Variants in CNTNAP2 observed in about 807,000 individuals in gnomAD.
The protein encoded by CNTNAP2 is contactin-associated protein-like 2.
A neutral mutation model predicts 155.2 loss-of-function variants in CNTNAP2; 98 were observed. The ratio of observed to expected loss-of-function variants is 0.63; its 90% CI spans 0.54 to 0.75. The LOEUF is 0.75. CNTNAP2 is among the 30% of genes least tolerant of loss of function. The probability of loss-of-function intolerance (pLI) is 0.00; values close to 1 mark genes in which losing one functional copy is unlikely to be tolerated. For missense variants in CNTNAP2, 1,727 were observed against 1,688.1 expected, an observed-to-expected ratio of 1.02 and a Z score of -0.40; for synonymous variants, 651 against 631.2, an observed-to-expected ratio of 1.03 and a Z score of -0.47.
chr7:147,812,958 C>T (rs1798205241), intron 13 of CNTNAP2, among the ~76,000 whole-genome samples: 1 of 151,942 alleles, frequency 6.6e-6, no homozygotes, highest in Non-Finnish European at 1.5e-5. Context: ...TTAAAGACAT[C>T]AGAATATAAG....
chr7:146,637,571 C>T (rs1799620106), intron 1 of CNTNAP2, among the ~76,000 whole-genome samples: 1 of 152,166 alleles, frequency 6.6e-6, no homozygotes, highest in African/African-American at 2.4e-5. Flanking sequence ...ATCACTCTTG[C>T]TCGATATTGA....
At chr7:147,521,229 C>T (rs1475122287) in intron 11 of CNTNAP2, among the ~76,000 whole-genome samples, 2 of 152,132 alleles carry the variant, frequency 1.3e-5, no homozygotes, top group African/African-American at 2.4e-5. Context: ...TTGCCTGCTT[C>T]GGTGTAGTTG....
chr7:147,616,579 C>T (rs1801297801), intron 12 of CNTNAP2, among the ~76,000 whole-genome samples: 1 of 152,164 alleles, frequency 6.6e-6, no homozygotes, highest in African/African-American at 2.4e-5. Flanking sequence ...TTACTCTTCC[C>T]ATTGATCTTC....
intron 18 of CNTNAP2, among the ~76,000 whole-genome samples, chr7:148,204,042 C>T (rs1281585149): frequency 2.0e-5 from 3 of 152,224 alleles, no homozygotes; most frequent in African/African-American, 4.8e-5. Flanking sequence ...TAACCAAGCT[C>T]TTGAGTTGCT....
chr7:147,912,859 A>G (rs533200931), intron 14 of CNTNAP2, among the ~76,000 whole-genome samples: 1 of 152,302 alleles, frequency 6.6e-6, no homozygotes, highest in Non-Finnish European at 1.5e-5. Flanking sequence ...TTAAGGAGGA[A>G]ATTCCCAGCT....
At chr7:146,554,261 C>T (rs888030099) in intron 1 of CNTNAP2, among the ~76,000 whole-genome samples, 23 of 152,204 alleles carry the variant, frequency 1.5e-4, no homozygotes, top group Admixed American at 1.2e-3. Context: ...AAAAAATACT[C>T]ATTTTTATAG....
intron 1 of CNTNAP2, among the ~76,000 whole-genome samples, chr7:146,649,734 A>T (rs890581834): frequency 1.3e-5 from 2 of 152,090 alleles, no homozygotes; most frequent in East Asian, 1.9e-4. Flanking sequence ...AATTTCCATA[A>T]TCTTTATTCT....
intron 1 of CNTNAP2, among the ~76,000 whole-genome samples, chr7:146,711,121 GAC>G (rs975642110): frequency 8.7e-5 from 13 of 150,030 alleles, no homozygotes; most frequent in Admixed American, 6.0e-4. Context: ...CACACACACA[GAC>G]ACACACACAC....
intron 21 of CNTNAP2, among the ~76,000 whole-genome samples, chr7:148,349,859 C>T (rs1421153802): frequency 2.6e-5 from 4 of 152,132 alleles, no homozygotes; most frequent in African/African-American, 4.8e-5. Flanking sequence ...CAGAAGGAAA[C>T]CTTGATAAAT....
intron 14 of CNTNAP2, among the ~76,000 whole-genome samples, chr7:147,928,406 A>G (rs1362875322): frequency 6.6e-6 from 1 of 152,240 alleles, no homozygotes; most frequent in African/African-American, 2.4e-5. Context: ...TATAGATTAT[A>G]TGAAATTATG....
intron 15 of CNTNAP2, among the ~76,000 whole-genome samples, chr7:148,086,157 G>C (rs74985282): frequency 0.04 from 6,151 of 152,226 alleles, 211 homozygotes; most frequent in Admixed American, 0.11. Context: ...TGTTGAGGGG[G>C]ATTTGAAACT....
chr7:146,782,128 A>T (rs1234401458), intron 2 of CNTNAP2: 1 of 152,202 alleles, frequency 6.6e-6, no homozygotes, highest in East Asian at 1.9e-4. Context: ...TGCAGCTTCC[A>T]TTCCAATATT....
At chr7:147,119,741 TGGGAGGGGAAAGAAA>T (rs1801064454) in intron 5 of CNTNAP2, among the ~76,000 whole-genome samples, 1 of 148,148 alleles carries the variant, frequency 6.8e-6, no homozygotes, top group South Asian at 2.1e-4. Context: ...GGAGGGAGTG[TGGGAGGGGAAAGAAA>T]GGGAGAGGAA....
chr7:147,669,545 C>A (rs984720997), intron 13 of CNTNAP2, among the ~76,000 whole-genome samples: 1 of 152,104 alleles, frequency 6.6e-6, no homozygotes, highest in African/African-American at 2.4e-5. Context: ...ACATTTTTAC[C>A]CAAGCTGGAT....
chr7:147,943,163 A>G (rs1026876596), intron 14 of CNTNAP2, among the ~76,000 whole-genome samples: 1 of 152,188 alleles, frequency 6.6e-6, no homozygotes, highest in South Asian at 2.1e-4. Context: ...CAGTTCACAA[A>G]GGGCTGTAAA....
At chr7:146,306,581 G>C (rs527302649) in intron 1 of CNTNAP2, among the ~76,000 whole-genome samples, 2 of 152,230 alleles carry the variant, frequency 1.3e-5, no homozygotes, top group South Asian at 2.1e-4. Context: ...AGGATGCAAG[G>C]CTGGTTCAAC....
intron 1 of CNTNAP2, among the ~76,000 whole-genome samples, chr7:146,259,676 G>A (rs567509501): frequency 6.6e-6 from 1 of 152,302 alleles, no homozygotes; most frequent in Admixed American, 6.5e-5. Context: ...TGACCTGGCT[G>A]AGTCTGAAAG....
intron 15 of CNTNAP2, among the ~76,000 whole-genome samples, chr7:148,030,599 T>C (rs1802458363): frequency 6.6e-6 from 1 of 151,912 alleles, no homozygotes; most frequent in South Asian, 2.1e-4. Flanking sequence ...CTTCCGGTTC[T>C]GGGCCCATTC....
At chr7:146,790,869 G>C (rs6968847) in intron 2 of CNTNAP2, among the ~76,000 whole-genome samples, 2 of 151,426 alleles carry the variant, frequency 1.3e-5, no homozygotes, top group Non-Finnish European at 2.9e-5. Flanking sequence ...ACGCCTGGCC[G>C]ATTTGGTCAG....
Sources: allele counts gnomAD v4.1 joint callset (sites outside exome capture counted in the v4.1 genomes callset), GRCh38; gene constraint gnomAD v4.1.1; transcripts MANE v1.5; gene names NCBI Gene and HGNC (gene_info 2026-07-23, HGNC 2026-07-21).